Variants in RAB28 observed in about 807,000 individuals in gnomAD.
The protein encoded by RAB28 is RAB28, member RAS oncogene family.
Under a neutral mutation model 31.7 loss-of-function variants are expected in RAB28, and 24 were observed. The observed-to-expected ratio is 0.76, with a 90% CI of 0.55 to 1.06. The LOEUF (loss-of-function observed/expected upper bound fraction) is 1.06. RAB28 is among the 50% of genes least tolerant of loss of function. RAB28 has a pLI of 0.00. For missense variants in RAB28, 254 were observed against 258.5 expected (o/e 0.98, Z 0.12); for synonymous variants, 100 against 90.4 (o/e 1.11, Z -0.60).
At chr4:13,459,706 A>G (rs1715486466) in intron 4 of RAB28, 2 of 972,684 alleles carry the variant, frequency 2.1e-6, no homozygotes, top group Non-Finnish European at 2.4e-6. Flanking sequence ...TATATTTCAG[A>G]AAAAAAACAA....
Position 13,416,937 on chromosome 4 carries a change from A to G in RAB28, c.392-35343T>C, listed in dbSNP as rs150710227. ...GCAAGCCGAAGCAGGGCGGGGCATC[A>G]CTTCACCCAGGAAACACAAGGGGTC... On this transcript the variant is annotated intron_variant, in intron 4 of 6. Transcript: ENST00000330852. Among the ~76,000 whole-genome samples the G allele has an allele frequency of 4.6e-3, 696 of 152,312 alleles. 6 individuals are homozygous for G. The highest frequency in any genetic ancestry group is 0.016 in the African/African-American group (663 of 41,576).
At chr4:13,467,685 C>T (rs1043386241) in intron 3 of RAB28, among the ~76,000 whole-genome samples, 1 of 151,662 alleles carries the variant, frequency 6.6e-6, no homozygotes, top group Non-Finnish European at 1.5e-5. Flanking sequence ...AGAGAAAATA[C>T]TCAAATAAAA....
chr4:13,371,640 C>T (rs1270676341), intron 6 of RAB28: 1 of 985,120 alleles, frequency 1.0e-6, no homozygotes, highest in African/African-American at 1.7e-5. Flanking sequence ...TAAGCCATAA[C>T]CAAGGCTCTG....
intron 6 of RAB28, chr4:13,371,064 A>ATC (rs1396605711): frequency 1.0e-6 from 1 of 984,216 alleles, no homozygotes; most frequent in Non-Finnish European, 1.2e-6. Context: ...ATAGAAAAGC[A>ATC]TCTTAATATG....
At chr4:13,384,816 C>T (rs142567342) in intron 4 of RAB28, among the ~76,000 whole-genome samples, 264 of 152,268 alleles carry the variant, frequency 1.7e-3, no homozygotes, top group African/African-American at 6.0e-3. Flanking sequence ...ACCTTCTTTC[C>T]TCTAAATGAC....
At chr4:13,404,775 T>C (rs147417492) in intron 4 of RAB28, among the ~76,000 whole-genome samples, 2,255 of 152,288 alleles carry the variant, frequency 0.015, 26 homozygotes, top group Non-Finnish European at 0.021. Flanking sequence ...TCAACTCTGA[T>C]GTCCATTTTT....
intron 4 of RAB28, among the ~76,000 whole-genome samples, chr4:13,455,972 G>A (rs1011626252): frequency 6.6e-6 from 1 of 152,210 alleles, no homozygotes; most frequent in Non-Finnish European, 1.5e-5. Flanking sequence ...AAGTCCATAA[G>A]TGTATTTATT....
chr4:13,405,027 T>C (rs1261338626), intron 4 of RAB28, among the ~76,000 whole-genome samples: 2 of 152,122 alleles, frequency 1.3e-5, no homozygotes, highest in Non-Finnish European at 2.9e-5. Context: ...TTCAGGTATT[T>C]ATTTTTAAAA....
intron 6 of RAB28, among the ~76,000 whole-genome samples, chr4:13,375,768 A>AAC (rs377543521): frequency 0.079 from 11,759 of 148,092 alleles, 484 homozygotes; most frequent in Admixed American, 0.15. Flanking sequence ...ATTGTTTTAA[A>AAC]ACACACACAC....
intron 4 of RAB28, among the ~76,000 whole-genome samples, chr4:13,394,297 G>T (rs1051723460): frequency 5.9e-5 from 9 of 152,200 alleles, no homozygotes; most frequent in African/African-American, 1.9e-4. Context: ...ATAATTTTGG[G>T]GTAAAACTGC....
intron 4 of RAB28, among the ~76,000 whole-genome samples, chr4:13,417,658 G>C (rs1712869783): frequency 6.6e-6 from 1 of 152,248 alleles, no homozygotes; most frequent in African/African-American, 2.4e-5. Flanking sequence ...CTGAGGGACT[G>C]GACTCTTAGA....
At chr4:13,378,740 G>A (rs985206013) in intron 5 of RAB28, among the ~76,000 whole-genome samples, 2 of 152,182 alleles carry the variant, frequency 1.3e-5, no homozygotes, top group African/African-American at 4.8e-5. Context: ...TAACCACAGA[G>A]AAGACAGAAG....
At chr4:13,419,359 C>A (rs967476859) in intron 4 of RAB28, among the ~76,000 whole-genome samples, 10 of 152,084 alleles carry the variant, frequency 6.6e-5, no homozygotes, top group African/African-American at 2.4e-4. Context: ...AAGGTTAACA[C>A]GGATATCCAA....
intron 4 of RAB28, among the ~76,000 whole-genome samples, chr4:13,404,359 C>T (rs1711950791): frequency 6.6e-6 from 1 of 152,114 alleles, no homozygotes; most frequent in Non-Finnish European, 1.5e-5. Flanking sequence ...GCCTGGGCAA[C>T]AAGAGCGAAA....
chr4:13,476,539 T>C (rs116144338), intron 2 of RAB28, among the ~76,000 whole-genome samples: 3,004 of 151,634 alleles, frequency 0.02, 49 homozygotes, highest in Non-Finnish European at 0.033. Context: ...CTCCACATTT[T>C]AATTTTAGGA....
At chr4:13,415,480 G>A (rs1345939424) in intron 4 of RAB28, among the ~76,000 whole-genome samples, 2 of 152,166 alleles carry the variant, frequency 1.3e-5, no homozygotes, top group African/African-American at 4.8e-5. Flanking sequence ...TCAGCGGGCT[G>A]CACTCAGAGC....
In RAB28 at chr4:13,368,424, T is replaced by C; in HGVS notation, c.*134A>G. On this transcript the variant is annotated 3_prime_UTR_variant, in exon 7 of 7. Transcript: ENST00000330852. ...GCCTGCCACTGTGAGGCAATAGCAA[T>C]GATGAAGCAAGTTGGGAGTAAAGTG... The C allele has an allele frequency of 7.8e-7, 1 of 1,288,992 alleles. No individual in the cohort carries two copies. The highest frequency in any genetic ancestry group is 9.8e-7 in the Non-Finnish European group (1 of 1,015,678). 79.8% of individuals were successfully genotyped at this position (1,288,992 alleles called of 1,614,324 possible).
chr4:13,435,159 A>AC (rs1296882582), intron 4 of RAB28, among the ~76,000 whole-genome samples: 1 of 151,944 alleles, frequency 6.6e-6, no homozygotes, highest in Non-Finnish European at 1.5e-5. Flanking sequence ...GGCAAAAAAA[A>AC]AATCCAAAAA....
At chr4:13,398,040 T>G (rs1250844502) in intron 4 of RAB28, among the ~76,000 whole-genome samples, 2 of 151,924 alleles carry the variant, frequency 1.3e-5, no homozygotes, top group Non-Finnish European at 2.9e-5. Flanking sequence ...ATTTCCTCAA[T>G]TTCATCAATT....
Sources: allele counts gnomAD v4.1 joint callset (sites outside exome capture counted in the v4.1 genomes callset), GRCh38; gene constraint gnomAD v4.1.1; transcripts MANE v1.5; gene names NCBI Gene and HGNC (gene_info 2026-07-23, HGNC 2026-07-21).